Variants in FBXO15 observed in about 807,000 individuals in gnomAD.
FBXO15 encodes the protein F-box protein 15.
Under a neutral mutation model 49.5 loss-of-function variants are expected in FBXO15, and 30 were observed. The observed-to-expected ratio is 0.61, with a 90% CI of 0.45 to 0.82. FBXO15 has a LOEUF of 0.82. FBXO15 is among the 40% of genes least tolerant of loss of function. FBXO15 has a pLI of 0.00. For synonymous variants in FBXO15, 250 were observed against 232.7 expected, an observed-to-expected ratio of 1.07 and a Z score of -0.68; for missense variants, 591 against 631.5, an observed-to-expected ratio of 0.94 and a Z score of 0.69.
chr18:74,111,137 A>T (rs1379973601), intron 8 of FBXO15, among the ~76,000 whole-genome samples: 1 of 152,016 alleles, frequency 6.6e-6, no homozygotes, highest in South Asian at 2.1e-4. Flanking sequence ...TGGAACATTT[A>T]CAAAGATAGA....
chr18:74,082,857 C>T (rs1912566438), intron 8 of FBXO15, among the ~76,000 whole-genome samples: 2 of 152,188 alleles, frequency 1.3e-5, no homozygotes, highest in African/African-American at 4.8e-5. Context: ...AGGGAAGATG[C>T]AAGTCACAGG....
At chr18:74,136,855 C>A (rs1978756272) in intron 2 of FBXO15, among the ~76,000 whole-genome samples, 1 of 152,096 alleles carries the variant, frequency 6.6e-6, no homozygotes, top group Admixed American at 6.6e-5. Flanking sequence ...CGGTGGGGGG[C>A]AGTTCTAGGG....
At chr18:74,082,800 A>C (rs1912563095) in intron 8 of FBXO15, among the ~76,000 whole-genome samples, 1 of 152,236 alleles carries the variant, frequency 6.6e-6, no homozygotes, top group Non-Finnish European at 1.5e-5. Flanking sequence ...AACCGACAGC[A>C]ACACAACTCA....
Position 74,129,659 on chromosome 18 carries a change from A to C in FBXO15, c.576-45T>G, listed in dbSNP as rs781674138. The C allele has an allele frequency of 8.5e-6, 13 of 1,520,780 alleles. No individual in the cohort carries two copies. In the South Asian group the frequency reaches 1.3e-4, roughly 16 times the overall value. The allele number at this position is 1,520,780 out of a possible 1,614,324, so 94.2% of individuals were successfully genotyped here. On this transcript the variant is annotated intron_variant, in intron 4 of 9. Transcript: ENST00000419743. ...CTAACAATGTTTGCCTCATTGAAAA[A>C]AAAAAAATGCTAAAGGCAATTTCAT...
intron 8 of FBXO15, among the ~76,000 whole-genome samples, chr18:74,092,782 G>A (rs1403096387): frequency 2.0e-5 from 3 of 152,132 alleles, no homozygotes. Context: ...CCAGAATGCT[G>A]GTCACAACAC....
At chr18:74,136,784 T>G (rs1978750942) in intron 2 of FBXO15, among the ~76,000 whole-genome samples, 1 of 152,174 alleles carries the variant, frequency 6.6e-6, no homozygotes. Context: ...GGAGTGCGCC[T>G]CTGTGAATCT....
At chr18:74,130,122 T>C (rs1365204863) in intron 4 of FBXO15, among the ~76,000 whole-genome samples, 1 of 152,230 alleles carries the variant, frequency 6.6e-6, no homozygotes, top group African/African-American at 2.4e-5. Context: ...TAATACAATG[T>C]AAATGCTGTG....
At chr18:74,088,368 T>C (rs576745046) in intron 8 of FBXO15, among the ~76,000 whole-genome samples, 1 of 152,340 alleles carries the variant, frequency 6.6e-6, no homozygotes, top group East Asian at 1.9e-4. Flanking sequence ...CATCTTGAGT[T>C]GATTTTTATA....
At chr18:74,107,930 C>A (rs1295634625) in intron 8 of FBXO15, among the ~76,000 whole-genome samples, 2 of 152,112 alleles carry the variant, frequency 1.3e-5, no homozygotes, top group Non-Finnish European at 2.9e-5. Context: ...TAAACTGCAG[C>A]CCCCTCTCTC....
At chr18:74,102,635 C>CA (rs1303828324) in intron 8 of FBXO15, among the ~76,000 whole-genome samples, 3 of 152,080 alleles carry the variant, frequency 2.0e-5, no homozygotes, top group East Asian at 1.9e-4. Flanking sequence ...AGTCATTATA[C>CA]AAAAAAGATA....
At chr18:74,106,507 T>C (rs987892426) in intron 8 of FBXO15, among the ~76,000 whole-genome samples, 1 of 152,118 alleles carries the variant, frequency 6.6e-6, no homozygotes, top group Admixed American at 6.6e-5. Flanking sequence ...ACCAAGCACA[T>C]GTGAAGCATT....
rs1255023297 is a variant in FBXO15, at chr18:74,116,742, T to C, written c.1138+6626A>G. Among the ~76,000 whole-genome samples, 20 of 152,280 alleles carry C rather than the reference T, an allele frequency of 1.3e-4. No homozygotes were observed. The East Asian group carries it at 3.7e-3, about 28-fold the overall frequency. On this transcript the variant is annotated intron_variant, in intron 8 of 9. Transcript: ENST00000419743. ...GGATTACCAAGCCTCTCTCTGTCCC[T>C]AACCCTATCAGGCAGGGATCACATG...
intron 8 of FBXO15, among the ~76,000 whole-genome samples, chr18:74,110,328 T>C (rs1246367088): frequency 1.3e-5 from 2 of 151,554 alleles, no homozygotes; most frequent in Admixed American, 1.3e-4. Flanking sequence ...AGAATGTTAT[T>C]TGAAAGTGAA....
intron 8 of FBXO15, chr18:74,100,024 C>T (rs1467807809): frequency 1.3e-5 from 2 of 152,240 alleles, no homozygotes; most frequent in East Asian, 3.9e-4. Flanking sequence ...AGAAAGTCAA[C>T]AAAGAAACAA....
At chr18:74,134,587 C>T (rs1978599500) in intron 3 of FBXO15, among the ~76,000 whole-genome samples, 1 of 151,972 alleles carries the variant, frequency 6.6e-6, no homozygotes, top group Non-Finnish European at 1.5e-5. Flanking sequence ...CCAGGATGGT[C>T]TCGATCTCCT....
At chr18:74,081,050 T>C (rs949295555) in intron 9 of FBXO15, among the ~76,000 whole-genome samples, 2 of 152,228 alleles carry the variant, frequency 1.3e-5, no homozygotes, top group African/African-American at 4.8e-5. Flanking sequence ...TGGTGTGTGA[T>C]AAACATCATT....
intron 8 of FBXO15, among the ~76,000 whole-genome samples, chr18:74,110,198 T>TATATATATATATATACATATGTGTGC (rs1568168418): frequency 8.1e-6 from 1 of 123,642 alleles, no homozygotes; most frequent in Non-Finnish European, 1.8e-5. Context: ...TGTGTGCATA[T>TATATATATATATATACATATGTGTGC]ATATATATAT....
At chr18:74,086,477 G>T (rs1874425717) in intron 8 of FBXO15, among the ~76,000 whole-genome samples, 1 of 152,198 alleles carries the variant, frequency 6.6e-6, no homozygotes, top group Non-Finnish European at 1.5e-5. Flanking sequence ...CGCACAGGCT[G>T]CAGTGCAGTG....
intron 1 of FBXO15, among the ~76,000 whole-genome samples, chr18:74,145,236 G>C (rs1387017368): frequency 6.6e-6 from 1 of 152,216 alleles, no homozygotes; most frequent in Non-Finnish European, 1.5e-5. Context: ...TAATGTGTAA[G>C]TGCTTTAAGA....
Sources: allele counts gnomAD v4.1 joint callset (sites outside exome capture counted in the v4.1 genomes callset), GRCh38; gene constraint gnomAD v4.1.1; transcripts MANE v1.5; gene names NCBI Gene and HGNC (gene_info 2026-07-23, HGNC 2026-07-21).